CASP6: variants seen among roughly 807,000 people sequenced by gnomAD.
The protein encoded by CASP6 is caspase-6.
In CASP6, 20 loss-of-function variants were observed where a neutral mutation model predicts 31.8. The ratio of observed to expected loss-of-function variants is 0.63; its 90% CI spans 0.44 to 0.91. The LOEUF (loss-of-function observed/expected upper bound fraction) is 0.91, where lower values mean the gene tolerates loss of function less well. CASP6 is among the 40% of genes least tolerant of loss of function. CASP6 has a pLI of 0.00. For missense variants in CASP6, 328 were observed against 361.1 expected, an observed-to-expected ratio of 0.91 and a Z score of 0.74; for synonymous variants, 130 against 127.8, an observed-to-expected ratio of 1.02 and a Z score of -0.12.
the CASP6 span, among the ~76,000 whole-genome samples, chr4:109,672,894 G>A: frequency 6.6e-6 from 1 of 152,122 alleles, no homozygotes; most frequent in African/African-American, 2.4e-5. Flanking sequence ...GGTTGACCTT[G>A]TACCTATCAT....
the CASP6 span, among the ~76,000 whole-genome samples, chr4:109,666,168 C>A: frequency 6.6e-6 from 1 of 152,114 alleles, no homozygotes; most frequent in African/African-American, 2.4e-5. Flanking sequence ...AATAATTGTT[C>A]ATTATCTGTA....
chr4:109,690,396 G>GC (rs1452518211), intron 6 of CASP6, among the ~76,000 whole-genome samples: 1 of 151,886 alleles, frequency 6.6e-6, no homozygotes, highest in Non-Finnish European at 1.5e-5. Flanking sequence ...GGTGGTGCAT[G>GC]CCTATAGTCC....
At chr4:109,699,005 G>T (rs181973363) in intron 1 of CASP6, among the ~76,000 whole-genome samples, 4 of 152,210 alleles carry the variant, frequency 2.6e-5, no homozygotes, top group Admixed American at 1.3e-4. Context: ...GAATTGTTCC[G>T]TATTTGCACT....
At chr4:109,684,360 C>G, downstream of CASP6, 2 of 1,175,638 alleles carry the variant, frequency 1.7e-6, no homozygotes, top group Non-Finnish European at 2.4e-6. Context: ...CCGCGCCCGG[C>G]AAGAGTTCCT....
At chr4:109,694,925 C>T (rs543682716) in intron 4 of CASP6, among the ~76,000 whole-genome samples, 11 of 152,232 alleles carry the variant, frequency 7.2e-5, no homozygotes, top group South Asian at 2.1e-4. Flanking sequence ...CTCCACCTCC[C>T]GGGTTCAAGC....
chr4:109,703,530 T>C (rs1730503030), upstream of CASP6: 3 of 1,145,336 alleles, frequency 2.6e-6, no homozygotes, highest in African/African-American at 1.6e-5. Context: ...TGGTTCTGAT[T>C]GCGCGCCGCC....
downstream of CASP6, chr4:109,687,371 T>C (rs529809435): frequency 1.5e-4 from 88 of 579,360 alleles, no homozygotes; most frequent in African/African-American, 1.4e-3. Flanking sequence ...GAAAAATATA[T>C]ATATATTTCA....
the CASP6 span, among the ~76,000 whole-genome samples, chr4:109,679,802 G>A: frequency 2.3e-3 from 348 of 148,970 alleles, 3 homozygotes; most frequent in African/African-American, 8.5e-3. Flanking sequence ...TGTTGTTGTT[G>A]TTGTTGTTGT....
intron 4 of CASP6, among the ~76,000 whole-genome samples, chr4:109,696,147 T>C (rs5030565): frequency 0.034 from 5,179 of 152,270 alleles, 273 homozygotes; most frequent in African/African-American, 0.12. Context: ...TTACTGCCAA[T>C]TGAAGGGGTC....
the CASP6 span, chr4:109,682,893 C>A: frequency 1.7e-6 from 1 of 581,134 alleles, no homozygotes; most frequent in East Asian, 3.0e-5. Flanking sequence ...CTTTTATCTT[C>A]CTCATTTTTC....
At chr4:109,693,917 T>C (rs1003778748) in intron 5 of CASP6, among the ~76,000 whole-genome samples, 1 of 151,776 alleles carries the variant, frequency 6.6e-6, no homozygotes, top group African/African-American at 2.4e-5. Flanking sequence ...TTTTGTATTT[T>C]TAGTAGAGAC....
upstream of CASP6, chr4:109,703,500 C>T: frequency 6.9e-7 from 1 of 1,446,628 alleles, no homozygotes; most frequent in South Asian, 1.3e-5. Flanking sequence ...CCGCCCCCTG[C>T]CCCCGAGCGT....
At chr4:109,701,200 G>A (rs1730412249) in intron 1 of CASP6, among the ~76,000 whole-genome samples, 1 of 152,028 alleles carries the variant, frequency 6.6e-6, no homozygotes, top group African/African-American at 2.4e-5. Flanking sequence ...GGCCTCAAGT[G>A]ATCCACCTGC....
At chr4:109,691,138 G>T in intron 5 of CASP6, 129 bp from the exon 6 acceptor site, 1 of 953,370 alleles carries the variant, frequency 1.0e-6, no homozygotes, top group Non-Finnish European at 1.5e-6. Flanking sequence ...CAGTTCAGAA[G>T]CAATACATTC....
At chr4:109,706,131 T>TTATATATATATATATATATATA (rs58847180), upstream of CASP6, among the ~76,000 whole-genome samples, 3 of 36,092 alleles carry the variant, frequency 8.3e-5, no homozygotes, top group Admixed American at 3.9e-4. Flanking sequence ...CCTATCCATT[T>TTATATATATATATATATATATA]TATATATATA....
intron 4 of CASP6, 125 bp from the exon 5 acceptor site, chr4:109,694,825 T>C: frequency 1.0e-6 from 1 of 976,834 alleles, no homozygotes; most frequent in Non-Finnish European, 1.4e-6. Flanking sequence ...GGAAAATTTG[T>C]GGTTTTGTCT....
At chr4:109,687,076 C>T (rs1331821308), downstream of CASP6, among the ~76,000 whole-genome samples, 1 of 151,598 alleles carries the variant, frequency 6.6e-6, no homozygotes, top group Non-Finnish European at 1.5e-5. Flanking sequence ...TAAAAAGATC[C>T]ACATATAAAA....
chr4:109,688,645 A>G lies in CASP6; in HGVS notation c.*685T>C, dbSNP rs1729915362. ...ATAAAATATGAATTTCGAATATTTT[A>G]TTAAGGGATGATTTAATTCCTGGAT... On this transcript the variant is annotated 3_prime_UTR_variant, in exon 7 of 7. Transcript: ENST00000265164. 6.6e-6 allele frequency: 1 copy of G among 152,232 alleles called. No individual in the cohort carries two copies. The highest frequency in any genetic ancestry group is 2.4e-5 in the African/African-American group (1 of 41,462). 9.4% of individuals were successfully genotyped at this position (152,232 alleles called of 1,614,324 possible). A position where few individuals can be genotyped will look rare whatever the true frequency, so the allele number is the denominator to read the frequency against.
chr4:109,697,583 CT>C (rs762994998), intron 3 of CASP6, 38 bp downstream of exon 3: 2 of 1,567,928 alleles, frequency 1.3e-6, no homozygotes. Flanking sequence ...AATTTTATCA[CT>C]TAACTGCCTC....
Sources: gnomAD v4.1 joint callset for allele counts (sites outside exome capture counted in the v4.1 genomes callset) on GRCh38, gnomAD v4.1.1 for gene constraint, MANE v1.5 for transcripts, NCBI Gene and HGNC (gene_info 2026-07-23, HGNC 2026-07-21) for gene names.